CSMD1: variants seen among roughly 807,000 people sequenced by gnomAD.
The protein encoded by CSMD1 is CUB and sushi domain-containing protein 1.
CSMD1 carries 213 observed loss-of-function variants against 417.5 expected under a neutral mutation model. The observed-to-expected ratio is 0.51, with a 90% CI of 0.46 to 0.57. The LOEUF (loss-of-function observed/expected upper bound fraction) is 0.57. CSMD1 is among the 20% of genes least tolerant of loss of function. The pLI, the probability that CSMD1 is intolerant of heterozygous loss-of-function variation, is 0.00. For synonymous variants in CSMD1, 2,862 were observed against 1,736.8 expected, an observed-to-expected ratio of 1.65 and a Z score of -16.11; for missense variants, 6,923 against 4,529.7, an observed-to-expected ratio of 1.53 and a Z score of -15.17.
intron 3 of CSMD1, among the ~76,000 whole-genome samples, chr8:4,135,597 G>C (rs147323232): frequency 3.4e-4 from 52 of 152,216 alleles, no homozygotes; most frequent in African/African-American, 1.2e-3. Flanking sequence ...AAAATATCAA[G>C]AGGAAAATTT....
intron 3 of CSMD1, among the ~76,000 whole-genome samples, chr8:4,275,619 A>G (rs1796441524): frequency 6.6e-6 from 1 of 152,166 alleles, no homozygotes. Context: ...CTCAGCATAC[A>G]AAAATTCATG....
intron 3 of CSMD1, among the ~76,000 whole-genome samples, chr8:4,035,969 G>T (rs997594862): frequency 6.6e-6 from 1 of 152,124 alleles, no homozygotes; most frequent in Non-Finnish European, 1.5e-5. Context: ...TCCTATGAGA[G>T]TGTAACACTT....
rs187509563 is a variant in CSMD1 at position 3,911,985 on chromosome 8, G to A, written c.818+85918C>T. On this transcript the variant is annotated intron_variant, in intron 5 of 69. Coordinates refer to ENST00000635120, the MANE Select transcript of CSMD1 (RefSeq NM_033225.6). ...CATCTTCCCACAAGTTTCCTGAACC[G>A]ATAAAAATAGTTCAAAGGATCACCA... 2.6e-4 allele frequency among the ~76,000 whole-genome samples: 40 copies of A among 152,152 alleles called. 1 individual carries two copies. In the East Asian group the frequency reaches 2.9e-3, roughly 11 times the overall value.
chr8:3,004,597 T>C (rs905773795), intron 52 of CSMD1, among the ~76,000 whole-genome samples: 4 of 152,248 alleles, frequency 2.6e-5, no homozygotes, highest in African/African-American at 7.2e-5. Flanking sequence ...AATGTAAATA[T>C]ATCCTCATGG....
chr8:2,963,253 C>A lies in CSMD1; in HGVS notation c.9423G>T (p.Gly3141=). Residue 3141 remains glycine (G), a synonymous_variant, in exon 60 of 70, where the codon GGG becomes GGT. Transcript: ENST00000635120. The part of the protein sequence containing the change: ...HSAILSCEGR[G]VWKGEIPQCL... ...ACTGGGGGATCTCTCCTTTCCACAC[C>A]CCGCGACCTTCACAGGAGAGGATGG... The A allele has an allele frequency of 1.2e-6, 2 of 1,613,848 alleles. No individual in the cohort carries two copies. The highest frequency in any genetic ancestry group is 1.7e-6 in the Non-Finnish European group (2 of 1,179,846).
At chr8:4,935,397 C>T (rs1031467774) in intron 1 of CSMD1, among the ~76,000 whole-genome samples, 1 of 152,180 alleles carries the variant, frequency 6.6e-6, no homozygotes, top group African/African-American at 2.4e-5. Context: ...CTCAAAAGCC[C>T]TATTACTCTG....
chr8:4,001,523 C>T (rs921612088), intron 4 of CSMD1, among the ~76,000 whole-genome samples: 1 of 152,178 alleles, frequency 6.6e-6, no homozygotes, highest in Admixed American at 6.5e-5. Context: ...GAGTACCAAC[C>T]CTGATCAAAT....
In CSMD1 at chr8:4,293,228, C is replaced by T. The variant is rs1797470983; in HGVS notation, c.415+126725G>A. Among the ~76,000 whole-genome samples, 4 of 152,174 alleles carry T rather than the reference C, an allele frequency of 2.6e-5. No homozygotes were observed. The South Asian group carries it at 8.3e-4, about 31-fold the overall frequency. ...GAGCCCAATGATGCCGTCCTCAAGG[C>T]CAGACTCCAAGGGCACAGAGTCGTG... On this transcript the variant is annotated intron_variant, in intron 3 of 69. Coordinates refer to ENST00000635120, the MANE Select transcript of CSMD1 (RefSeq NM_033225.6).
chr8:4,774,007 C>A (rs1398275521), intron 1 of CSMD1, among the ~76,000 whole-genome samples: 2 of 152,004 alleles, frequency 1.3e-5, no homozygotes, highest in African/African-American at 4.8e-5. Context: ...ACCAGCCTGG[C>A]CAACATGGTG....
chr8:4,069,035 A>T (rs1007427656), intron 3 of CSMD1, among the ~76,000 whole-genome samples: 2 of 152,176 alleles, frequency 1.3e-5, no homozygotes, highest in African/African-American at 4.8e-5. Flanking sequence ...CTTATGTTTT[A>T]TTCTTTCCTT....
chr8:3,719,618 A>G (rs752650749), intron 6 of CSMD1, among the ~76,000 whole-genome samples: 14 of 152,180 alleles, frequency 9.2e-5, no homozygotes, highest in Non-Finnish European at 1.9e-4. Flanking sequence ...AAGATGCTCT[A>G]TGCACAGAGG....
intron 2 of CSMD1, among the ~76,000 whole-genome samples, chr8:4,497,778 T>G (rs1802052568): frequency 1.3e-5 from 2 of 152,150 alleles, no homozygotes; most frequent in Non-Finnish European, 2.9e-5. Flanking sequence ...ATGTGTAAGG[T>G]CTGAAGCTTA....
intron 2 of CSMD1, among the ~76,000 whole-genome samples, chr8:4,579,215 G>A (rs1431578176): frequency 1.3e-5 from 2 of 151,534 alleles, no homozygotes; most frequent in African/African-American, 4.9e-5. Flanking sequence ...GACGGAATCA[G>A]GAAAATAATC....
At chr8:4,692,776 C>T (rs150959729) in intron 1 of CSMD1, among the ~76,000 whole-genome samples, 1 of 152,156 alleles carries the variant, frequency 6.6e-6, no homozygotes, top group African/African-American at 2.4e-5. Flanking sequence ...CCTATTGTTT[C>T]TTATACGGGC....
intron 12 of CSMD1, among the ~76,000 whole-genome samples, chr8:3,417,401 C>T (rs759521531): frequency 2.6e-5 from 4 of 152,184 alleles, no homozygotes; most frequent in Non-Finnish European, 5.9e-5. Flanking sequence ...CTCTTATTGC[C>T]TGTGTAAGAT....
intron 11 of CSMD1, among the ~76,000 whole-genome samples, chr8:3,472,444 G>A (rs1039304025): frequency 1.3e-5 from 2 of 151,954 alleles, no homozygotes; most frequent in African/African-American, 2.4e-5. Flanking sequence ...TGTCTTTCCA[G>A]CACCTTAACT....
At chr8:4,523,606 G>A (rs1341464556) in intron 2 of CSMD1, among the ~76,000 whole-genome samples, 2 of 152,078 alleles carry the variant, frequency 1.3e-5, no homozygotes, top group African/African-American at 4.8e-5. Context: ...TGTGGTAGAA[G>A]AAATAATGCA....
rs1356213364 is a variant in CSMD1, at chr8:4,278,108, C to G, written c.415+141845G>C. Among the ~76,000 whole-genome samples, 4 of 152,244 alleles carry G rather than the reference C, an allele frequency of 2.6e-5. No individual in the cohort carries two copies. In the East Asian group the frequency reaches 7.7e-4, roughly 29 times the overall value. ...TACATTTATAAAATCCTTTATGGTT[C>G]TCTTTCTCCTTATGCTCATATAACT... On this transcript the variant is annotated intron_variant, in intron 3 of 69. Transcript: ENST00000635120.
intron 23 of CSMD1, among the ~76,000 whole-genome samples, chr8:3,314,964 G>C (rs932871300): frequency 6.6e-6 from 1 of 152,170 alleles, no homozygotes; most frequent in Non-Finnish European, 1.5e-5. Flanking sequence ...TTCATGCTCA[G>C]GTGAGCTCTG....
Sources: gnomAD v4.1 joint callset for allele counts (sites outside exome capture counted in the v4.1 genomes callset) on GRCh38, gnomAD v4.1.1 for gene constraint, MANE v1.5 for transcripts, NCBI Gene and HGNC (gene_info 2026-07-23, HGNC 2026-07-21) for gene names.